ASB9: variants seen among roughly 807,000 people sequenced by gnomAD.
ASB9 encodes the protein ankyrin repeat and SOCS box protein 9.
A neutral mutation model predicts 16.6 loss-of-function variants in ASB9; 5 were observed. The ratio of observed to expected loss-of-function variants is 0.30; its 90% confidence interval spans 0.16 to 0.63. ASB9 has a LOEUF of 0.63. Ranked by LOEUF, ASB9 falls within the 30% of genes least tolerant of loss-of-function variation. The pLI, the probability that ASB9 is intolerant of heterozygous loss-of-function variation, is 0.82. For synonymous variants in ASB9, 100 were observed against 86.4 expected (o/e 1.16, Z -0.87); for missense variants, 216 against 229.4 (o/e 0.94, Z 0.38).
rs76177108 is a variant in ASB9, at chrX:15,267,752, CA to C, written c.94+2028del. 7.4e-3 allele frequency among the ~76,000 whole-genome samples: 616 copies of C among 83,590 alleles called. 5 individuals carry two copies. Among genetic ancestry groups the C allele is most frequent in the African/African-American group, 0.023 (532 of 22,801 alleles). 72.6% of individuals were successfully genotyped at this position (83,590 alleles called of 115,157 possible). A position where few individuals can be genotyped will look rare whatever the true frequency, so the allele number is the denominator to read the frequency against. ...GAGTGAAACTCCACTTCAAAAAAAACAAAAAAAAAAAAAAAAAAAGAAATTC... is the reference window on the plus strand; with the variant it reads ...GAGTGAAACTCCACTTCAAAAAAAACAAAAAAAAAAAAAAAAAAGAAATTC... On this transcript the variant is annotated intron_variant, in intron 1 of 6. Transcript: ENST00000380488.
intron 2 of ASB9, 139 bp from the exon 3 acceptor site, chrX:15,254,983 T>TA (rs1925421694): frequency 4.6e-5 from 20 of 431,610 alleles, no homozygotes; most frequent in African/African-American, 1.6e-4. Context: ...TATATTGACT[T>TA]TAAAAAAAAA....
At chrX:15,249,668 G>A (rs768109223) in intron 5 of ASB9, among the ~76,000 whole-genome samples, 16 of 112,457 alleles carry the variant, frequency 1.4e-4, no homozygotes, top group Non-Finnish European at 2.8e-4. Context: ...ATCTGGTCTT[G>A]TATTGTTCCT....
chrX:15,245,698 C>G (rs1924605112), intron 6 of ASB9, among the ~76,000 whole-genome samples: 2 of 111,396 alleles, frequency 1.8e-5, no homozygotes, highest in African/African-American at 6.5e-5. Context: ...GCCCAAGCAT[C>G]TGGATTTTCT....
intron 2 of ASB9, among the ~76,000 whole-genome samples, chrX:15,258,406 T>C (rs1925738258): frequency 8.9e-6 from 1 of 112,372 alleles, no homozygotes; most frequent in Non-Finnish European, 1.9e-5. Flanking sequence ...TGTTATAATC[T>C]ATTTATAATA....
chrX:15,250,964 G>A (rs193207252), intron 4 of ASB9, among the ~76,000 whole-genome samples: 1,733 of 111,519 alleles, frequency 0.016, 38 homozygotes, highest in African/African-American at 0.053. Context: ...CTCGTGGTCC[G>A]CCCGCCTCAG....
At chrX:15,266,780 CA>C (rs370233874) in intron 1 of ASB9, among the ~76,000 whole-genome samples, 4 of 100,348 alleles carry the variant, frequency 4.0e-5, no homozygotes, top group Non-Finnish European at 8.1e-5. Flanking sequence ...ACTAAAAATA[CA>C]AAAAATTAGC....
intron 2 of ASB9, among the ~76,000 whole-genome samples, chrX:15,257,690 G>C (rs1051543882): frequency 1.8e-5 from 2 of 111,496 alleles, no homozygotes; most frequent in Non-Finnish European, 1.9e-5. Context: ...ACTTCACAGT[G>C]TTCAGTCCAC....
At chrX:15,265,803 ATTT>A (rs776249903) in intron 1 of ASB9, among the ~76,000 whole-genome samples, 4 of 96,930 alleles carry the variant, frequency 4.1e-5, no homozygotes, top group African/African-American at 1.1e-4. Flanking sequence ...CACCCAGCTA[ATTT>A]TTTTTTTTTT....
At chrX:15,255,640 C>T (rs10126791) in intron 2 of ASB9, among the ~76,000 whole-genome samples, 21,125 of 110,813 alleles carry the variant, frequency 0.19, 2,315 homozygotes, top group African/African-American at 0.41. Context: ...TAAGTTCTTT[C>T]ATGCTTATGA....
intron 1 of ASB9, among the ~76,000 whole-genome samples, chrX:15,259,368 T>C (rs1343803531): frequency 8.9e-6 from 1 of 112,784 alleles, no homozygotes; most frequent in Non-Finnish European, 1.9e-5. Context: ...AACAGTGTTC[T>C]GTATTAATAG....
intron 2 of ASB9, among the ~76,000 whole-genome samples, chrX:15,256,766 A>G (rs72614589): frequency 0.12 from 8,726 of 74,805 alleles, 482 homozygotes; most frequent in African/African-American, 0.22. Context: ...CGACAGCAAG[A>G]CTCCGTCTCA....
intron 6 of ASB9, among the ~76,000 whole-genome samples, chrX:15,244,996 AT>A: frequency 1.8e-5 from 2 of 112,163 alleles, no homozygotes; most frequent in East Asian, 5.6e-4. Context: ...AAATAAGGGC[AT>A]ATTTCTAGAT....
At chrX:15,252,476 T>G in intron 3 of ASB9, 72 bp from the exon 4 acceptor site, 1 of 983,987 alleles carries the variant, frequency 1.0e-6, no homozygotes, top group African/African-American at 1.9e-5. Flanking sequence ...TCCACCACTC[T>G]GAAGATGTTA....
At chrX:15,262,865 C>G (rs373621492) in intron 1 of ASB9, among the ~76,000 whole-genome samples, 1 of 112,306 alleles carries the variant, frequency 8.9e-6, no homozygotes, top group African/African-American at 3.2e-5. Flanking sequence ...CTCCTGACCT[C>G]AAGTGATCCA....
intron 1 of ASB9, among the ~76,000 whole-genome samples, chrX:15,260,913 G>T (rs1925921708): frequency 8.9e-6 from 1 of 111,915 alleles, no homozygotes; most frequent in Non-Finnish European, 1.9e-5. Context: ...CTTCCAGATG[G>T]ATTCATTAAG....
chrX:15,248,725 G>T lies in ASB9; in HGVS notation c.760+19C>A. 8.4e-7 allele frequency: 1 copy of T among 1,195,335 alleles called. No individual in the cohort carries two copies. Among genetic ancestry groups the T allele is most frequent in the Non-Finnish European group, 1.1e-6 (1 of 886,197 alleles). On this transcript the variant is annotated intron_variant, in intron 6 of 6. Transcript: ENST00000380488. ...AGGGATGTCAACAGATTAGGGCTTA[G>T]GTTTTGGCAAAGAAGCACCTTCTCT...
At position 15,249,630 on chromosome X, in the gene ASB9, T is replaced by C. The variant is rs1332407205; in HGVS notation, c.569-695A>G. On this transcript the variant is annotated intron_variant, in intron 5 of 6. Coordinates refer to ENST00000380488, the MANE Select transcript of ASB9 (RefSeq NM_001031739.3). ...TGCCATCCCTCTGGTAAAATGAAAA[T>C]CTATGTCCACTCAACAAATGTTAAC... is the stretch of plus-strand genomic sequence containing the variant. 3.6e-5 allele frequency among the ~76,000 whole-genome samples: 4 copies of C among 112,375 alleles called. No individual in the cohort carries two copies. In the East Asian group the frequency reaches 8.3e-4, roughly 23 times the overall value.
rs140406684 is a variant in ASB9 at position 15,269,791 on chromosome X, T to C, written c.84A>G (p.Pro28=). ...DFPGIRLLSN[P]LMGDAVSDWS... ...GCCCCTATGACTCACCGCCCATCAATGGGTTTGAAAGAAGCCTGATGCCAG... is the reference window on the plus strand; with the variant it reads ...GCCCCTATGACTCACCGCCCATCAACGGGTTTGAAAGAAGCCTGATGCCAG... The change falls in exon 1 of 7, where the codon CCA becomes CCG. Residue 28 remains proline (P), a synonymous_variant. Coordinates refer to ENST00000380488, the MANE Select transcript of ASB9 (RefSeq NM_001031739.3). 80 of 1,205,114 alleles carry C rather than the reference T, an allele frequency of 6.6e-5. No homozygotes were observed. Among genetic ancestry groups the C allele is most frequent in the Non-Finnish European group, 8.7e-5 (78 of 892,876 alleles).
intron 6 of ASB9, among the ~76,000 whole-genome samples, chrX:15,246,883 A>G (rs1230235051): frequency 2.7e-5 from 3 of 111,780 alleles, no homozygotes; most frequent in Middle Eastern, 4.2e-3. Flanking sequence ...TTGAGCAAAC[A>G]CTGCTTTAGA....
Sources: gnomAD v4.1 joint callset for allele counts (sites outside exome capture counted in the v4.1 genomes callset) on GRCh38, gnomAD v4.1.1 for gene constraint, MANE v1.5 for transcripts, NCBI Gene and HGNC (gene_info 2026-07-23, HGNC 2026-07-21) for gene names.